The following RPS6KA5 variants were observed in gnomAD, a reference collection of about 807,000 sequenced individuals.
The protein encoded by RPS6KA5 is ribosomal protein S6 kinase alpha-5.
RPS6KA5 carries 27 observed loss-of-function variants against 85.5 expected under a neutral mutation model. The ratio of observed to expected loss-of-function variants is 0.32; its 90% CI spans 0.23 to 0.44. The LOEUF (loss-of-function observed/expected upper bound fraction) is 0.44. Ranked by LOEUF, RPS6KA5 falls within the 20% of genes least tolerant of loss-of-function variation. The probability of loss-of-function intolerance (pLI) is 1.00; values close to 1 mark genes in which losing one functional copy is unlikely to be tolerated. For missense variants in RPS6KA5, 811 were observed against 980.9 expected, an observed-to-expected ratio of 0.83 and a Z score of 2.31; for synonymous variants, 334 against 348.2, an observed-to-expected ratio of 0.96 and a Z score of 0.46.
rs528834814 is a variant in RPS6KA5, at chr14:90,946,677, T to C, written c.510+758A>G. On this transcript the variant is annotated intron_variant, in intron 4 of 16. Coordinates refer to ENST00000614987, the MANE Select transcript of RPS6KA5 (RefSeq NM_004755.4). Reference sequence around the variant, plus strand: ...GGGTGGCTTCATGATGTACCTGAATTGTCCTAATTTAAAAATTACTTGAGT... The same window carrying C: ...GGGTGGCTTCATGATGTACCTGAATCGTCCTAATTTAAAAATTACTTGAGT... Among the ~76,000 whole-genome samples, 4 of 152,292 alleles carry C rather than the reference T, an allele frequency of 2.6e-5. No homozygotes were observed. The South Asian group carries it at 8.3e-4, about 32-fold the overall frequency.
intron 7 of RPS6KA5, chr14:90,911,183 A>C (rs533269532): frequency 9.9e-5 from 15 of 152,198 alleles, no homozygotes; most frequent in Non-Finnish European, 2.2e-4. Flanking sequence ...ATGGAGTAAG[A>C]ATTCTCTTTG....
chr14:91,033,225 C>T (rs2042263610), intron 1 of RPS6KA5, among the ~76,000 whole-genome samples: 1 of 150,816 alleles, frequency 6.6e-6, no homozygotes, highest in Admixed American at 6.6e-5. Context: ...TGTTCAACCT[C>T]ACTAATAATA....
At chr14:90,920,723 C>T (rs1417018153) in intron 6 of RPS6KA5, among the ~76,000 whole-genome samples, 1 of 150,764 alleles carries the variant, frequency 6.6e-6, no homozygotes, top group Non-Finnish European at 1.5e-5. Flanking sequence ...TTATTTTTTC[C>T]TAACTGCCTA....
At chr14:90,894,039 A>G (rs2034699137) in intron 13 of RPS6KA5, 1 of 924,308 alleles carries the variant, frequency 1.1e-6, no homozygotes, top group African/African-American at 1.8e-5. Flanking sequence ...TGTAAAAAAT[A>G]AGTTTTCAAA....
At chr14:91,034,306 CAA>C (rs201455291) in intron 1 of RPS6KA5, among the ~76,000 whole-genome samples, 91 of 108,566 alleles carry the variant, frequency 8.4e-4, no homozygotes, top group Non-Finnish European at 8.6e-4. Flanking sequence ...AACCCTGTCT[CAA>C]AAAAAAAAAA....
In RPS6KA5 at chr14:90,900,200, G is replaced by C. The variant is rs1595161666; in HGVS notation, c.1287C>G (p.Asp429Glu). ...FYQHYDLDLK[D>E]KPLGEGSFSI... is the part of the protein sequence containing the mutation. ...AAAAACTACCTTCTCCCAGGGGTTTGTCCTTCAAATCTAGGTCATAGTGTT... is the reference window on the plus strand; with the variant it reads ...AAAAACTACCTTCTCCCAGGGGTTTCTCCTTCAAATCTAGGTCATAGTGTT... Residue 429 changes from aspartate to glutamate, a missense_variant, in exon 11 of 17, where the codon GAC becomes GAG. Asp to Glu is a conservative substitution (Grantham distance 45, BLOSUM62 2). Transcript: ENST00000614987. 6.2e-7 allele frequency: 1 copy of C among 1,604,620 alleles called. No individual in the cohort carries two copies. The highest frequency in any genetic ancestry group is 8.5e-7 in the Non-Finnish European group (1 of 1,174,726).
At chr14:90,947,728 A>C (rs2037947543) in intron 3 of RPS6KA5, among the ~76,000 whole-genome samples, 178 bp from the exon 4 acceptor site, 1 of 152,238 alleles carries the variant, frequency 6.6e-6, no homozygotes, top group African/African-American at 2.4e-5. Context: ...ACAGTTTCGC[A>C]AAATAATGAT....
chr14:91,025,050 T>C (rs1213852254), intron 1 of RPS6KA5, among the ~76,000 whole-genome samples: 1 of 150,266 alleles, frequency 6.7e-6, no homozygotes, highest in Non-Finnish European at 1.5e-5. Context: ...CAGTCTAACT[T>C]TTTTTTTTAG....
chr14:91,002,499 G>C (rs2040833612), intron 1 of RPS6KA5, among the ~76,000 whole-genome samples: 1 of 152,096 alleles, frequency 6.6e-6, no homozygotes, highest in Non-Finnish European at 1.5e-5. Context: ...CCAATAAGCA[G>C]TATAAGTGTT....
chr14:90,998,007 G>GGA (rs1252241737), intron 2 of RPS6KA5, among the ~76,000 whole-genome samples: 2 of 59,900 alleles, frequency 3.3e-5, no homozygotes, highest in Non-Finnish European at 6.1e-5. Context: ...GACTCTGTCT[G>GGA]AAAAAAAAAA....
intron 1 of RPS6KA5, 131 bp downstream of exon 1, chr14:91,060,201 A>G (rs551550529): frequency 0.024 from 23,122 of 961,092 alleles, 305 homozygotes; most frequent in Middle Eastern, 0.027. Flanking sequence ...CCCGACCGCG[A>G]CGCCCCGCCC....
intron 3 of RPS6KA5, among the ~76,000 whole-genome samples, chr14:90,972,224 G>A (rs11626141): frequency 2.7e-3 from 406 of 152,064 alleles, no homozygotes; most frequent in Non-Finnish European, 4.7e-3. Context: ...AATACCTTAC[G>A]GTTTTTCCCC....
At chr14:90,941,536 C>T (rs2037571636) in intron 5 of RPS6KA5, among the ~76,000 whole-genome samples, 1 of 152,228 alleles carries the variant, frequency 6.6e-6, no homozygotes, top group Non-Finnish European at 1.5e-5. Flanking sequence ...CCTGAATGCA[C>T]AGACCTTGTC....
In RPS6KA5 at chr14:90,913,029, G is replaced by A. The variant is rs375506900; in HGVS notation, c.807-6730C>T. Among the ~76,000 whole-genome samples, 4 of 146,408 alleles carry A rather than the reference G, an allele frequency of 2.7e-5. No individual in the cohort carries two copies. In the East Asian group the frequency reaches 8.3e-4, roughly 30 times the overall value. On this transcript the variant is annotated intron_variant, in intron 7 of 16. Transcript: ENST00000614987. ...GAGTTCAAGTGATTCTCCTGCCTCAGTCTCCCGAGTAGCTGGGATTACAGG... is the reference window on the plus strand; with the variant it reads ...GAGTTCAAGTGATTCTCCTGCCTCAATCTCCCGAGTAGCTGGGATTACAGG...
chr14:90,959,882 T>C (rs898550913), intron 3 of RPS6KA5, among the ~76,000 whole-genome samples: 2 of 152,154 alleles, frequency 1.3e-5, no homozygotes, highest in East Asian at 1.9e-4. Flanking sequence ...CATTATAAAT[T>C]TGAATGGAAA....
At chr14:90,999,842 C>T (rs764201459) in intron 2 of RPS6KA5, among the ~76,000 whole-genome samples, 2 of 152,100 alleles carry the variant, frequency 1.3e-5, no homozygotes, top group Admixed American at 6.6e-5. Context: ...TTCTGAGCAG[C>T]GAAAGCGGTG....
At chr14:90,947,800 C>A (rs959270848) in intron 3 of RPS6KA5, among the ~76,000 whole-genome samples, 2 of 152,120 alleles carry the variant, frequency 1.3e-5, no homozygotes, top group African/African-American at 4.8e-5. Context: ...TTACTAAAAT[C>A]TGCATATATT....
intron 5 of RPS6KA5, among the ~76,000 whole-genome samples, chr14:90,939,073 T>C (rs2037434603): frequency 6.6e-6 from 1 of 152,240 alleles, no homozygotes; most frequent in Non-Finnish European, 1.5e-5. Context: ...CCAAGTCATC[T>C]CTTAAATGCT....
chr14:91,050,234 A>G (rs1213048395), intron 1 of RPS6KA5, among the ~76,000 whole-genome samples: 1 of 152,086 alleles, frequency 6.6e-6, no homozygotes, highest in Non-Finnish European at 1.5e-5. Context: ...AAAGAAAATT[A>G]GCCAGGCATG....
Sources: allele counts gnomAD v4.1 joint callset (sites outside exome capture counted in the v4.1 genomes callset), GRCh38; gene constraint gnomAD v4.1.1; transcripts MANE v1.5; gene names NCBI Gene and HGNC (gene_info 2026-07-23, HGNC 2026-07-21).